The following CSMD1 variants were observed in gnomAD, a reference collection of about 807,000 sequenced individuals.
The protein encoded by CSMD1 is CUB and sushi domain-containing protein 1.
In CSMD1, 213 loss-of-function variants were observed where a neutral mutation model predicts 417.5. The observed-to-expected ratio is 0.51, with a 90% CI of 0.46 to 0.57. The LOEUF is 0.57. Among genes scored for constraint, CSMD1 ranks in the 20% least tolerant of loss-of-function variants. The probability of loss-of-function intolerance (pLI) is 0.00; values close to 1 mark genes in which losing one functional copy is unlikely to be tolerated. For synonymous variants in CSMD1, 2,862 were observed against 1,736.8 expected, an observed-to-expected ratio of 1.65 and a Z score of -16.11; for missense variants, 6,923 against 4,529.7, an observed-to-expected ratio of 1.53 and a Z score of -15.17.
chr8:4,783,172 G>C (rs1050674316), intron 1 of CSMD1, among the ~76,000 whole-genome samples: 1 of 152,174 alleles, frequency 6.6e-6, no homozygotes, highest in Non-Finnish European at 1.5e-5. Context: ...CTGAAATTTT[G>C]TAGATAGTTG....
intron 3 of CSMD1, among the ~76,000 whole-genome samples, chr8:4,052,877 C>T (rs1035988259): frequency 6.6e-6 from 1 of 152,128 alleles, no homozygotes; most frequent in Non-Finnish European, 1.5e-5. Flanking sequence ...GATTCCAATG[C>T]AGTAGTCCAT....
At chr8:4,690,380 G>A (rs1456407738) in intron 1 of CSMD1, among the ~76,000 whole-genome samples, 2 of 152,006 alleles carry the variant, frequency 1.3e-5, no homozygotes, top group Non-Finnish European at 2.9e-5. Context: ...AGTAAATGGG[G>A]GAATGTTGCT....
intron 3 of CSMD1, among the ~76,000 whole-genome samples, chr8:4,397,669 G>A (rs1184857547): frequency 2.6e-5 from 4 of 151,552 alleles, no homozygotes; most frequent in Non-Finnish European, 4.4e-5. Flanking sequence ...TTAAATTGCG[G>A]CAGTAAGATG....
chr8:4,384,942 C>G (rs557767361), intron 3 of CSMD1, among the ~76,000 whole-genome samples: 1 of 152,256 alleles, frequency 6.6e-6, no homozygotes, highest in African/African-American at 2.4e-5. Context: ...ATCTTCACAT[C>G]AGGAAATTTC....
chr8:4,186,556 G>C (rs1271280523), intron 3 of CSMD1, among the ~76,000 whole-genome samples: 2 of 152,134 alleles, frequency 1.3e-5, no homozygotes, highest in Non-Finnish European at 2.9e-5. Flanking sequence ...GAATATAAAA[G>C]ACGAAATAAT....
rs1804159917 is a variant in CSMD1 at position 4,146,744 on chromosome 8, T to G, written c.416-114645A>C. 1.3e-5 allele frequency among the ~76,000 whole-genome samples: 2 copies of G among 149,238 alleles called. 1 individual carries two copies. Among genetic ancestry groups the G allele is most frequent in the African/African-American group, 5.1e-5 (2 of 39,112 alleles). On this transcript the variant is annotated intron_variant, in intron 3 of 69. Transcript: ENST00000635120. ...CTCCTGCCTCAGCCTCCAGAGGAGCTGGGACTACAGGCGCCCGGCACCAGA... is the reference window on the plus strand; with the variant it reads ...CTCCTGCCTCAGCCTCCAGAGGAGCGGGGACTACAGGCGCCCGGCACCAGA...
At chr8:3,552,002 A>T (rs543090216) in intron 10 of CSMD1, among the ~76,000 whole-genome samples, 4 of 152,312 alleles carry the variant, frequency 2.6e-5, no homozygotes, top group African/African-American at 9.6e-5. Flanking sequence ...CAGAAACAGG[A>T]ACTCGAGAAG....
At chr8:4,324,374 C>G (rs1236700569) in intron 3 of CSMD1, among the ~76,000 whole-genome samples, 1 of 152,174 alleles carries the variant, frequency 6.6e-6, no homozygotes, top group Non-Finnish European at 1.5e-5. Context: ...GGATGGGACA[C>G]CAGAGGTGGG....
intron 1 of CSMD1, among the ~76,000 whole-genome samples, chr8:4,907,456 C>G (rs1450005042): frequency 6.6e-6 from 1 of 152,168 alleles, no homozygotes; most frequent in African/African-American, 2.4e-5. Context: ...ACCTCAGCAT[C>G]TGTACCTTTA....
In CSMD1 at chr8:3,409,743, T is replaced by G. The variant is rs529492679; in HGVS notation, c.1562-138A>C. On this transcript the variant is annotated intron_variant, in intron 12 of 69. Transcript: ENST00000635120. ...TTTGTAAAGTGTTTCTAAAGGATAT[T>G]CAATTGATCTTAAATTTAATTTCAA... The G allele has an allele frequency of 1.6e-5, 10 of 624,162 alleles. No homozygotes were observed. The African/African-American group carries it at 1.8e-4, about 11-fold the overall frequency. The allele number at this position is 624,162 out of a possible 1,614,324, so 38.7% of individuals were successfully genotyped here.
chr8:3,851,844 G>A (rs774748149), intron 5 of CSMD1, among the ~76,000 whole-genome samples: 1 of 152,148 alleles, frequency 6.6e-6, no homozygotes, highest in East Asian at 1.9e-4. Flanking sequence ...CAGGAGGGTC[G>A]GGTGGGAGCA....
intron 33 of CSMD1, among the ~76,000 whole-genome samples, chr8:3,191,810 T>C (rs1796442056): frequency 6.6e-6 from 1 of 152,186 alleles, no homozygotes; most frequent in Non-Finnish European, 1.5e-5. Context: ...ATTTGCTTAT[T>C]TTGTTTTTGT....
intron 2 of CSMD1, among the ~76,000 whole-genome samples, chr8:4,627,271 G>A (rs1472400033): frequency 6.6e-6 from 1 of 152,090 alleles, no homozygotes; most frequent in African/African-American, 2.4e-5. Flanking sequence ...AGAAGAAAAA[G>A]TAAATCTTAA....
At chr8:3,770,140 G>A (rs756124878) in intron 5 of CSMD1, among the ~76,000 whole-genome samples, 4 of 152,196 alleles carry the variant, frequency 2.6e-5, no homozygotes, top group East Asian at 1.9e-4. Context: ...GAGACTAAAG[G>A]CTACCTGCAG....
At chr8:4,799,693 T>G (rs1161127453) in intron 1 of CSMD1, among the ~76,000 whole-genome samples, 2 of 149,768 alleles carry the variant, frequency 1.3e-5, no homozygotes, top group Non-Finnish European at 3.0e-5. Flanking sequence ...GCTTTGGAGA[T>G]TATCAATACA....
chr8:3,367,112 A>G lies in CSMD1; in HGVS notation c.3035T>C (p.Leu1012Pro). Residue 1012 changes from leucine (L) to proline (P), a missense_variant, in exon 20 of 70, where the codon CTG (leucine) becomes CCG (proline). Coordinates refer to ENST00000635120, the MANE Select transcript of CSMD1 (RefSeq NM_033225.6). Reference protein sequence around the residue: ...SVLPHTIKAGLFGNFTAQLRF... With the variant: ...SVLPHTIKAGPFGNFTAQLRF... ...AAGCTGGGCAGTGAAGTTTCCAAAC[A>G]GGCCTGCCTTGATCGTATGAGGCAA... 6.2e-7 allele frequency: 1 copy of G among 1,613,854 alleles called. No homozygotes were observed. The highest frequency in any genetic ancestry group is 8.5e-7 in the Non-Finnish European group (1 of 1,179,844).
At chr8:4,827,313 T>C (rs1799891216) in intron 1 of CSMD1, among the ~76,000 whole-genome samples, 1 of 152,128 alleles carries the variant, frequency 6.6e-6, no homozygotes, top group South Asian at 2.1e-4. Flanking sequence ...CAGAATGGTT[T>C]TCATTTTATC....
chr8:4,470,679 G>A (rs556244403), intron 2 of CSMD1, among the ~76,000 whole-genome samples: 1 of 152,198 alleles, frequency 6.6e-6, no homozygotes, highest in South Asian at 2.1e-4. Flanking sequence ...AGTGCTTTTT[G>A]AAAAAGAATG....
At chr8:4,452,125 G>A (rs983857689) in intron 2 of CSMD1, among the ~76,000 whole-genome samples, 3 of 152,066 alleles carry the variant, frequency 2.0e-5, no homozygotes, top group East Asian at 1.9e-4. Context: ...CCAGAGGTCT[G>A]TACAAACACC....
Sources: gnomAD v4.1 joint callset for allele counts (sites outside exome capture counted in the v4.1 genomes callset) on GRCh38, gnomAD v4.1.1 for gene constraint, MANE v1.5 for transcripts, NCBI Gene and HGNC (gene_info 2026-07-23, HGNC 2026-07-21) for gene names.